PTPRK: variants seen among roughly 807,000 people sequenced by gnomAD.
The protein encoded by PTPRK is protein tyrosine phosphatase receptor type K.
Under a neutral mutation model 178.0 loss-of-function variants are expected in PTPRK, and 75 were observed. The ratio of observed to expected loss-of-function variants is 0.42; its 90% confidence interval spans 0.35 to 0.51. The LOEUF is 0.51. Among genes scored for constraint, PTPRK ranks in the 20% least tolerant of loss-of-function variants. PTPRK has a pLI of 0.02. For missense variants in PTPRK, 1,441 were observed against 1,797.8 expected (o/e 0.80, Z 3.59); for synonymous variants, 637 against 620.6 (o/e 1.03, Z -0.39).
intron 1 of PTPRK, among the ~76,000 whole-genome samples, chr6:128,470,093 CAACT>C (rs1328726065): frequency 6.6e-6 from 1 of 152,112 alleles, no homozygotes; most frequent in Non-Finnish European, 1.5e-5. Context: ...CATACTTCAA[CAACT>C]AACAGAACAA....
intron 6 of PTPRK, among the ~76,000 whole-genome samples, chr6:128,217,295 T>C (rs778676979): frequency 7.9e-5 from 12 of 152,226 alleles, no homozygotes; most frequent in African/African-American, 1.2e-4. Context: ...ATGAGCTGAA[T>C]ACGGAGACAT....
chr6:128,259,998 TG>T (rs1275326825), intron 3 of PTPRK, among the ~76,000 whole-genome samples: 1 of 152,146 alleles, frequency 6.6e-6, no homozygotes, highest in African/African-American at 2.4e-5. Context: ...GTAGTCATCT[TG>T]GGGGAGAAAT....
At chr6:128,178,961 GTGTTGACTACCTATACA>G (rs1562734951) in intron 7 of PTPRK, among the ~76,000 whole-genome samples, 1 of 151,780 alleles carries the variant, frequency 6.6e-6, no homozygotes, top group Non-Finnish European at 1.5e-5. Context: ...GAATGTATAG[GTGTTGACTACCTATACA>G]TTATCCATTA....
At chr6:128,164,998 A>G (rs538343873) in intron 7 of PTPRK, among the ~76,000 whole-genome samples, 41 of 151,484 alleles carry the variant, frequency 2.7e-4, no homozygotes, top group Admixed American at 2.0e-3. Context: ...CATAGCAAAC[A>G]TAACAGTCCT....
At chr6:128,270,556 C>A (rs1819645275) in intron 3 of PTPRK, among the ~76,000 whole-genome samples, 1 of 152,048 alleles carries the variant, frequency 6.6e-6, no homozygotes, top group South Asian at 2.1e-4. Context: ...CAATGTATTA[C>A]AAAGTAAGCA....
In PTPRK at chr6:128,123,917, T is replaced by C. The variant is rs184085284; in HGVS notation, c.1163-33925A>G. On this transcript the variant is annotated intron_variant, in intron 7 of 29. Transcript: ENST00000368226. Reference sequence around the variant, plus strand: ...GAGAGGTAAAGTGCCATTTACATCATACCACAGCAAGAGCGTATACTAACA... The same window carrying C: ...GAGAGGTAAAGTGCCATTTACATCACACCACAGCAAGAGCGTATACTAACA... Among the ~76,000 whole-genome samples the C allele has an allele frequency of 3.7e-3, 566 of 152,292 alleles. 4 individuals carry two copies. Among genetic ancestry groups the C allele is most frequent in the African/African-American group, 0.013 (535 of 41,556 alleles).
At chr6:128,037,191 G>T (rs1776373106) in intron 13 of PTPRK, among the ~76,000 whole-genome samples, 1 of 152,160 alleles carries the variant, frequency 6.6e-6, no homozygotes, top group African/African-American at 2.4e-5. Flanking sequence ...GTCATTGAGA[G>T]ACTCTCTTTT....
At chr6:128,273,211 G>T (rs1305570899) in intron 3 of PTPRK, among the ~76,000 whole-genome samples, 2 of 152,028 alleles carry the variant, frequency 1.3e-5, no homozygotes, top group African/African-American at 4.8e-5. Context: ...TCCTGTCGCG[G>T]GGTCGGGGGA....
At chr6:128,476,067 T>G (rs1175156508) in intron 1 of PTPRK, among the ~76,000 whole-genome samples, 2 of 152,228 alleles carry the variant, frequency 1.3e-5, no homozygotes, top group East Asian at 3.9e-4. Context: ...TCAGTCATCA[T>G]GTCATTTTGT....
intron 1 of PTPRK, among the ~76,000 whole-genome samples, chr6:128,473,872 C>A (rs1851043053): frequency 6.6e-6 from 1 of 151,916 alleles, no homozygotes; most frequent in South Asian, 2.1e-4. Flanking sequence ...GCATCCATTT[C>A]TATAATAAAC....
At chr6:128,320,970 A>C (rs1351451019) in intron 3 of PTPRK, 2 of 152,084 alleles carry the variant, frequency 1.3e-5, no homozygotes, top group African/African-American at 4.8e-5. Flanking sequence ...TTGAACTGAA[A>C]ATCTTACCTG....
intron 16 of PTPRK, among the ~76,000 whole-genome samples, chr6:127,998,371 T>C (rs1777409879): frequency 6.6e-6 from 1 of 152,056 alleles, no homozygotes; most frequent in Non-Finnish European, 1.5e-5. Flanking sequence ...ATTCAAATGA[T>C]AGAATCTGCA....
At chr6:128,443,484 G>A (rs1180284288) in intron 1 of PTPRK, among the ~76,000 whole-genome samples, 2 of 152,142 alleles carry the variant, frequency 1.3e-5, no homozygotes, top group African/African-American at 4.8e-5. Context: ...TAATCCAAAG[G>A]TACAAGTTGT....
In PTPRK at chr6:128,365,401, G is replaced by A. The variant is rs114858526; in HGVS notation, c.223+32165C>T. 7.2e-3 allele frequency among the ~76,000 whole-genome samples: 1,102 copies of A among 152,190 alleles called. 10 individuals are homozygous for A. The highest frequency in any genetic ancestry group is 0.025 in the African/African-American group (1,046 of 41,540). On this transcript the variant is annotated intron_variant, in intron 2 of 29. Coordinates refer to ENST00000368226, the MANE Select transcript of PTPRK (RefSeq NM_002844.4). ...TTTGATATCATTTGAATAGAGATAA[G>A]AGAAAGAAAGGCTGAGGTAATATTT...
chr6:128,317,486 T>A (rs1828172904), intron 3 of PTPRK, among the ~76,000 whole-genome samples: 1 of 152,132 alleles, frequency 6.6e-6, no homozygotes, highest in Admixed American at 6.5e-5. Flanking sequence ...TATATTTTTT[T>A]AAATTCTGCC....
At chr6:128,053,435 G>A (rs773933324) in intron 13 of PTPRK, among the ~76,000 whole-genome samples, 1 of 151,934 alleles carries the variant, frequency 6.6e-6, no homozygotes, top group East Asian at 1.9e-4. Context: ...CTCCCTCAGA[G>A]TCTGACTCCC....
In PTPRK at chr6:128,089,834, CT is replaced by C; in HGVS notation, c.1320del (p.Asp441ThrfsTer14). The C allele has an allele frequency of 6.2e-7, 1 of 1,614,124 alleles. No individual in the cohort carries two copies. Among genetic ancestry groups the C allele is most frequent in the Non-Finnish European group, 8.5e-7 (1 of 1,180,000 alleles). Reference sequence around the variant, plus strand: ...GCTTTGGGGTCCATGTCCAAACAGTCTGCCTTGCTCTCGTTGTGACCACGGA... The same window carrying C: ...GCTTTGGGGTCCATGTCCAAACAGTCGCCTTGCTCTCGTTGTGACCACGGA... ...HYFRGHNESK[A>X]DCLDMDPKAP... On this transcript the variant is annotated frameshift_variant, in exon 8 of 30. Coordinates refer to ENST00000368226, the MANE Select transcript of PTPRK (RefSeq NM_002844.4). LOFTEE classifies it high-confidence loss of function.
intron 6 of PTPRK, among the ~76,000 whole-genome samples, chr6:128,185,826 A>AT (rs554305408): frequency 2.6e-5 from 4 of 152,206 alleles, no homozygotes; most frequent in Admixed American, 2.0e-4. Flanking sequence ...TTCTAGTTGG[A>AT]TTTTTTGTTT....
chr6:127,991,531 T>A, intron 19 of PTPRK, 140 bp from the exon 20 acceptor site: 1 of 507,622 alleles, frequency 2.0e-6, no homozygotes, highest in Non-Finnish European at 3.2e-6. Context: ...ATACTTAAAT[T>A]CAGTTCATAT....
Sources: gnomAD v4.1 joint callset for allele counts (sites outside exome capture counted in the v4.1 genomes callset) on GRCh38, gnomAD v4.1.1 for gene constraint, MANE v1.5 for transcripts, NCBI Gene and HGNC (gene_info 2026-07-23, HGNC 2026-07-21) for gene names.